KCNB2: variants seen among roughly 807,000 people sequenced by gnomAD.
KCNB2 encodes delayed rectifier potassium channel protein.
In KCNB2, 15 loss-of-function variants were observed where a neutral mutation model predicts 61.5. That is an observed-to-expected ratio of 0.24 (90% CI 0.16 to 0.38). KCNB2 has a LOEUF of 0.38. Among genes scored for constraint, KCNB2 ranks in the 10% least tolerant of loss-of-function variants. The pLI is 1.00. For missense variants in KCNB2, 828 were observed against 1,125.2 expected (o/e 0.74, Z 3.78); for synonymous variants, 457 against 446.0 (o/e 1.02, Z -0.31).
At chr8:72,696,620 A>G (rs1361208064) in intron 2 of KCNB2, among the ~76,000 whole-genome samples, 3 of 152,116 alleles carry the variant, frequency 2.0e-5, no homozygotes, top group East Asian at 3.9e-4. Context: ...CCGTGGATGG[A>G]GAGAGCAGCC....
chr8:72,790,928 C>T (rs1808931193), intron 2 of KCNB2, among the ~76,000 whole-genome samples: 1 of 152,058 alleles, frequency 6.6e-6, no homozygotes, highest in Non-Finnish European at 1.5e-5. Context: ...TATTCTAAAT[C>T]TGTTAATGTT....
chr8:72,685,575 C>G (rs1409943573), intron 2 of KCNB2, among the ~76,000 whole-genome samples: 1 of 152,070 alleles, frequency 6.6e-6, no homozygotes, highest in Non-Finnish European at 1.5e-5. Flanking sequence ...ACAAGCCTAC[C>G]TAACTAAATG....
At chr8:72,690,243 T>G (rs955470960) in intron 2 of KCNB2, among the ~76,000 whole-genome samples, 4 of 152,184 alleles carry the variant, frequency 2.6e-5, no homozygotes, top group Non-Finnish European at 5.9e-5. Flanking sequence ...GACATCTTGA[T>G]TCCTTTGAAA....
chr8:72,796,405 AAACAGCTGGCTAATGTTAATCAT>A (rs1422182641), intron 2 of KCNB2, among the ~76,000 whole-genome samples: 20 of 152,200 alleles, frequency 1.3e-4, no homozygotes, highest in African/African-American at 4.8e-4. Context: ...TTATTGAGGT[AAACAGCTGGCTAATGTTAATCAT>A]ACAGCCAGCG....
chr8:72,538,356 A>G (rs1806144967), intron 1 of KCNB2, among the ~76,000 whole-genome samples: 1 of 152,164 alleles, frequency 6.6e-6, no homozygotes, highest in African/African-American at 2.4e-5. Flanking sequence ...CTCTAAGGAA[A>G]GAGCTTCATG....
chr8:72,782,859 T>TAAAAAGGCCC (rs1808785628), intron 2 of KCNB2, among the ~76,000 whole-genome samples: 1 of 152,192 alleles, frequency 6.6e-6, no homozygotes, highest in African/African-American at 2.4e-5. Flanking sequence ...CCTTTTTTCT[T>TAAAAAGGCCC]TTTCTTTTTC....
chr8:72,566,550 T>C (rs1477787822), intron 1 of KCNB2, among the ~76,000 whole-genome samples: 6 of 134,240 alleles, frequency 4.5e-5, no homozygotes. Context: ...AAAAAAAAAA[T>C]ACAAAAATTA....
intron 2 of KCNB2, among the ~76,000 whole-genome samples, chr8:72,778,916 C>A (rs937973393): frequency 2.9e-4 from 44 of 152,000 alleles, no homozygotes; most frequent in Non-Finnish European, 7.4e-5. Context: ...CCAAGTATAG[C>A]ATTTGGCTGG....
chr8:72,747,231 AG>A (rs980285712), intron 2 of KCNB2, among the ~76,000 whole-genome samples: 1 of 152,180 alleles, frequency 6.6e-6, no homozygotes, highest in Non-Finnish European at 1.5e-5. Flanking sequence ...CGGGCAAGGC[AG>A]GGCAAACAGG....
chr8:72,824,741 C>G (rs1422752240), intron 2 of KCNB2, among the ~76,000 whole-genome samples: 1 of 152,144 alleles, frequency 6.6e-6, no homozygotes, highest in Admixed American at 6.5e-5. Flanking sequence ...GCCCCCATTC[C>G]CCATCACTAG....
intron 1 of KCNB2, among the ~76,000 whole-genome samples, chr8:72,565,795 G>T (rs1806615991): frequency 6.6e-6 from 1 of 151,968 alleles, no homozygotes; most frequent in Non-Finnish European, 1.5e-5. Flanking sequence ...ATATTACTTT[G>T]GTCAGCTCTC....
At chr8:72,809,637 A>G (rs866838527) in intron 2 of KCNB2, among the ~76,000 whole-genome samples, 7 of 152,168 alleles carry the variant, frequency 4.6e-5, no homozygotes, top group Middle Eastern at 3.2e-3. Context: ...TATGACTTCT[A>G]TTACTTCTCT....
At chr8:72,735,692 C>T (rs953949788) in intron 2 of KCNB2, among the ~76,000 whole-genome samples, 1 of 152,176 alleles carries the variant, frequency 6.6e-6, no homozygotes, top group Admixed American at 6.5e-5. Flanking sequence ...GAAGAACAAT[C>T]CTGGTCTGTC....
intron 2 of KCNB2, among the ~76,000 whole-genome samples, chr8:72,791,843 G>T (rs904602160): frequency 2.0e-5 from 3 of 152,138 alleles, no homozygotes; most frequent in African/African-American, 7.2e-5. Context: ...AAGACCTCAA[G>T]TAACATGTTG....
Position 72,936,783 on chromosome 8 carries a change from C to T in KCNB2, c.1428C>T (p.Ala476=), listed in dbSNP as rs758685251. ...CTGTTGAGAAGGCCGGAGAGTCCGC[C>T]AACACAAAGGACTCCGCCGACGATA... The part of the protein sequence containing the change: ...DVAVEKAGES[A]NTKDSADDNH... Residue 476 remains alanine (A), a synonymous_variant, in exon 3 of 3, where the codon GCC becomes GCT. Transcript: ENST00000523207. This position sits in a 1 kb window ranked among gnomAD's most constrained non-coding sequence, Gnocchi z 5.6. 6.2e-7 allele frequency: 1 copy of T among 1,614,132 alleles called. No homozygotes were observed. Among genetic ancestry groups the T allele is most frequent in the South Asian group, 1.1e-5 (1 of 91,076 alleles).
chr8:72,763,263 T>G (rs1808413826), intron 2 of KCNB2, among the ~76,000 whole-genome samples: 1 of 151,898 alleles, frequency 6.6e-6, no homozygotes, highest in Non-Finnish European at 1.5e-5. Flanking sequence ...TTCACTAAGG[T>G]GCAGATTCCT....
At chr8:72,679,353 C>T (rs949088243) in intron 2 of KCNB2, among the ~76,000 whole-genome samples, 4 of 152,142 alleles carry the variant, frequency 2.6e-5, no homozygotes, top group Admixed American at 1.3e-4. Flanking sequence ...TGTTTATTAA[C>T]GGGACATGCT....
At chr8:72,689,163 T>G (rs952876546) in intron 2 of KCNB2, among the ~76,000 whole-genome samples, 3 of 152,196 alleles carry the variant, frequency 2.0e-5, no homozygotes, top group Non-Finnish European at 4.4e-5. Context: ...TAAAAGTTAT[T>G]TCATTTGTGT....
intron 2 of KCNB2, among the ~76,000 whole-genome samples, chr8:72,737,246 TA>T (rs1807862855): frequency 2.0e-5 from 3 of 152,302 alleles, no homozygotes; most frequent in Non-Finnish European, 4.4e-5. Context: ...CTGAACTAAA[TA>T]AACAGCAATG....
Sources: allele counts gnomAD v4.1 joint callset (sites outside exome capture counted in the v4.1 genomes callset), GRCh38; gene constraint gnomAD v4.1.1; non-coding constraint Gnocchi (gnomAD v3.1); transcripts MANE v1.5; gene names NCBI Gene and HGNC (gene_info 2026-07-23, HGNC 2026-07-21).